DPYD: variants seen among roughly 807,000 people sequenced by gnomAD.
The protein encoded by DPYD is dihydropyrimidine dehydrogenase [NADP(+)].
DPYD carries 109 observed loss-of-function variants against 116.2 expected under a neutral mutation model. The ratio of observed to expected loss-of-function variants is 0.94; its 90% CI spans 0.80 to 1.10. The LOEUF is 1.10. Among genes scored for constraint, DPYD ranks in the 50% least tolerant of loss-of-function variants. The pLI is 0.00. For synonymous variants in DPYD, 440 were observed against 432.0 expected, an observed-to-expected ratio of 1.02 and a Z score of -0.23; for missense variants, 1,302 against 1,254.5, an observed-to-expected ratio of 1.04 and a Z score of -0.57.
rs531617152 is a variant in DPYD, at chr1:97,872,750, AG to A, written c.150+10513del. Among the ~76,000 whole-genome samples, 436 of 152,088 alleles carry A rather than the reference AG, an allele frequency of 2.9e-3. 2 individuals carry two copies. Among genetic ancestry groups the A allele is most frequent in the African/African-American group, 9.9e-3 (412 of 41,546 alleles). ...CTTCTCAATGAAATAACCAGACTAT[AG>A]AACTTTTCGAGAAAAAAATATTTAT... On this transcript the variant is annotated intron_variant, in intron 2 of 22. Coordinates refer to ENST00000370192, the MANE Select transcript of DPYD (RefSeq NM_000110.4).
chr1:97,785,067 T>C (rs1666947353), intron 3 of DPYD, among the ~76,000 whole-genome samples: 1 of 152,196 alleles, frequency 6.6e-6, no homozygotes, highest in Non-Finnish European at 1.5e-5. Flanking sequence ...TGCTGTCTAA[T>C]GAAAATTATT....
At chr1:97,523,304 T>C (rs776066651) in intron 12 of DPYD, among the ~76,000 whole-genome samples, 1 of 152,146 alleles carries the variant, frequency 6.6e-6, no homozygotes. Context: ...ATAACAAGGA[T>C]GTTTAAAGAC....
At chr1:97,436,880 C>T (rs1675499791) in intron 14 of DPYD, among the ~76,000 whole-genome samples, 1 of 151,756 alleles carries the variant, frequency 6.6e-6, no homozygotes, top group Admixed American at 6.6e-5. Flanking sequence ...AGCTAGGTAG[C>T]CGGGTGTTAG....
At chr1:97,883,123 T>C (rs1571525317) in intron 2 of DPYD, 141 bp downstream of exon 2, 2 of 601,692 alleles carry the variant, frequency 3.3e-6, no homozygotes, top group East Asian at 2.9e-5. Context: ...TTCAAACTTT[T>C]TCAAATATTA....
chr1:97,792,366 C>A lies in DPYD; in HGVS notation c.233+35748G>T, dbSNP rs142001034. ...TTGGCTCACTGCAACCTCCACCCCC[C>A]AGGTTCAAGCAATTCTCTCTGCTTC... On this transcript the variant is annotated intron_variant, in intron 3 of 22. Coordinates refer to ENST00000370192, the MANE Select transcript of DPYD (RefSeq NM_000110.4). Among the ~76,000 whole-genome samples the A allele has an allele frequency of 5.4e-3, 819 of 152,098 alleles. 6 individuals are homozygous for A. The highest frequency in any genetic ancestry group is 9.3e-3 in the Non-Finnish European group (632 of 67,988).
At chr1:97,769,405 T>C (rs1666033964) in intron 3 of DPYD, among the ~76,000 whole-genome samples, 1 of 152,120 alleles carries the variant, frequency 6.6e-6, no homozygotes, top group Admixed American at 6.6e-5. Context: ...TGTATTTGAG[T>C]TGTGTAACAC....
chr1:97,323,280 G>GTATATATACATATGTGTATATGTACACA lies in DPYD; in HGVS notation c.2059-16984_2059-16983insTGTGTACATATACACATATGTATATATA, dbSNP rs1393985773. Among the ~76,000 whole-genome samples the GTATATATACATATGTGTATATGTACACA allele has an allele frequency of 2.2e-4, 32 of 142,660 alleles. 1 individual carries two copies. In the South Asian group the frequency reaches 7.2e-3, roughly 32 times the overall value. 93.6% of individuals were successfully genotyped at this position (142,660 alleles called of 152,430 possible). A position where few individuals can be genotyped will look rare whatever the true frequency, so the allele number is the denominator to read the frequency against. ...TATATACATATGTGTATATGTACACGTATATATACATATGTGTATATGTAC... is the reference window on the plus strand; with the variant it reads ...TATATACATATGTGTATATGTACACGTATATATACATATGTGTATATGTACACATATATATACATATGTGTATATGTAC... On this transcript the variant is annotated intron_variant, in intron 16 of 22. Coordinates refer to ENST00000370192, the MANE Select transcript of DPYD (RefSeq NM_000110.4).
At chr1:97,484,350 A>G (rs1238339476) in intron 13 of DPYD, among the ~76,000 whole-genome samples, 1 of 152,176 alleles carries the variant, frequency 6.6e-6, no homozygotes, top group African/African-American at 2.4e-5. Flanking sequence ...CTAGGTTTTC[A>G]GAAGTATTGT....
At position 97,421,903 on chromosome 1, in the gene DPYD, C is replaced by T. The variant is rs898772792; in HGVS notation, c.1905+28156G>A. 9.9e-5 allele frequency among the ~76,000 whole-genome samples: 15 copies of T among 151,966 alleles called. No homozygotes were observed. The East Asian group carries it at 1.2e-3, about 12-fold the overall frequency. Reference sequence around the variant, plus strand: ...GCAGAGGTGAGTTTCTGAAATGGTACGAGTGAAATAGTCAGGCATATAAAG... The same window carrying T: ...GCAGAGGTGAGTTTCTGAAATGGTATGAGTGAAATAGTCAGGCATATAAAG... On this transcript the variant is annotated intron_variant, in intron 14 of 22. Transcript: ENST00000370192.
Position 97,605,460 on chromosome 1 carries a change from G to T in DPYD, c.851-10294C>A, listed in dbSNP as rs183782638. 3.3e-5 allele frequency among the ~76,000 whole-genome samples: 5 copies of T among 152,020 alleles called. No homozygotes were observed. In the East Asian group the frequency reaches 9.7e-4, roughly 29 times the overall value. On this transcript the variant is annotated intron_variant, in intron 8 of 22. Transcript: ENST00000370192. ...GATTTCCCCTGCTGGCACTCACTCC[G>T]TCCTGCTACCCTGTGAGTAAGGTGC...
chr1:97,377,358 G>A (rs1005507009), intron 15 of DPYD, among the ~76,000 whole-genome samples: 1 of 152,142 alleles, frequency 6.6e-6, no homozygotes, highest in Admixed American at 6.5e-5. Context: ...CTATAAAGGT[G>A]TATACTATCT....
At chr1:97,329,302 T>G (rs1668860380) in intron 16 of DPYD, among the ~76,000 whole-genome samples, 1 of 152,190 alleles carries the variant, frequency 6.6e-6, no homozygotes. Context: ...CCATTTATAT[T>G]ACAAGCATAT....
chr1:97,242,169 T>C (rs1325575506), intron 18 of DPYD, among the ~76,000 whole-genome samples: 19 of 130,900 alleles, frequency 1.5e-4, no homozygotes, highest in African/African-American at 5.4e-4. Context: ...TATATATATA[T>C]ATCTTCTAAG....
chr1:97,691,864 A>G, intron 6 of DPYD, 66 bp from the exon 7 acceptor site: 1 of 1,280,220 alleles, frequency 7.8e-7, no homozygotes, highest in Non-Finnish European at 1.1e-6. Context: ...ACCAATCTTA[A>G]AAAAAGGTAA....
intron 16 of DPYD, among the ~76,000 whole-genome samples, chr1:97,336,776 G>C (rs1297600522): frequency 6.6e-6 from 1 of 152,028 alleles, no homozygotes; most frequent in Non-Finnish European, 1.5e-5. Context: ...ATCATATCAA[G>C]GAAAGAGATG....
intron 18 of DPYD, among the ~76,000 whole-genome samples, chr1:97,260,066 C>T (rs941808894): frequency 6.6e-6 from 1 of 152,068 alleles, no homozygotes; most frequent in Non-Finnish European, 1.5e-5. Flanking sequence ...GGTATCATCA[C>T]TTCTCAAAAA....
intron 8 of DPYD, among the ~76,000 whole-genome samples, chr1:97,615,051 G>C (rs1046550625): frequency 1.3e-5 from 2 of 151,986 alleles, no homozygotes; most frequent in Non-Finnish European, 2.9e-5. Context: ...TTGAATACTA[G>C]TGCTAACTAT....
At chr1:97,531,241 G>A (rs2786518) in intron 12 of DPYD, among the ~76,000 whole-genome samples, 2 of 151,964 alleles carry the variant, frequency 1.3e-5, no homozygotes, top group African/African-American at 4.8e-5. Context: ...AGGAGTTTTA[G>A]AGTTGCAGGT....
intron 13 of DPYD, among the ~76,000 whole-genome samples, chr1:97,485,004 C>T (rs1042449016): frequency 2.6e-5 from 4 of 152,014 alleles, no homozygotes; most frequent in African/African-American, 9.7e-5. Flanking sequence ...AAGGGCTTTT[C>T]TTTGTCTCCG....
Sources: gnomAD v4.1 joint callset for allele counts (sites outside exome capture counted in the v4.1 genomes callset) on GRCh38, gnomAD v4.1.1 for gene constraint, MANE v1.5 for transcripts, NCBI Gene and HGNC (gene_info 2026-07-23, HGNC 2026-07-21) for gene names.